The following ZFPM2 variants were observed in gnomAD, a reference collection of about 807,000 sequenced individuals.
ZFPM2 encodes zinc finger protein ZFPM2.
Under a neutral mutation model 98.6 loss-of-function variants are expected in ZFPM2, and 20 were observed. The ratio of observed to expected loss-of-function variants is 0.20; its 90% CI spans 0.14 to 0.29. ZFPM2 has a LOEUF of 0.29. ZFPM2 is among the 10% of genes least tolerant of loss of function. The pLI is 1.00. For synonymous variants in ZFPM2, 518 were observed against 502.7 expected (o/e 1.03, Z -0.41); for missense variants, 1,310 against 1,388.6 (o/e 0.94, Z 0.90).
chr8:105,464,895 A>G (rs1812769852), intron 3 of ZFPM2, among the ~76,000 whole-genome samples: 1 of 151,302 alleles, frequency 6.6e-6, no homozygotes, highest in Non-Finnish European at 1.5e-5. Flanking sequence ...CTTCTTCTGG[A>G]GCTCTCGATC....
At chr8:105,595,257 GT>G (rs1463228391) in intron 4 of ZFPM2, among the ~76,000 whole-genome samples, 1 of 151,994 alleles carries the variant, frequency 6.6e-6, no homozygotes, top group Non-Finnish European at 1.5e-5. Context: ...TGCCTTATTA[GT>G]CTATCTTTGG....
intron 1 of ZFPM2, among the ~76,000 whole-genome samples, chr8:105,381,217 C>T (rs1810882401): frequency 6.6e-6 from 1 of 151,132 alleles, no homozygotes; most frequent in Admixed American, 6.7e-5. Flanking sequence ...GAGAATGATG[C>T]TTTCTAGCTT....
chr8:105,348,102 T>C (rs560186098), intron 1 of ZFPM2, among the ~76,000 whole-genome samples: 2 of 152,294 alleles, frequency 1.3e-5, no homozygotes, highest in Admixed American at 1.3e-4. Flanking sequence ...AGTTATTTCT[T>C]TGCTTGACCA....
At chr8:105,397,667 G>A (rs538771857) in intron 1 of ZFPM2, among the ~76,000 whole-genome samples, 4 of 152,112 alleles carry the variant, frequency 2.6e-5, no homozygotes, top group African/African-American at 4.8e-5. Flanking sequence ...TTTCATAAGA[G>A]TAAAGATGTC....
chr8:105,478,646 G>A (rs1253065495), intron 3 of ZFPM2, among the ~76,000 whole-genome samples: 2 of 152,194 alleles, frequency 1.3e-5, no homozygotes, highest in Non-Finnish European at 2.9e-5. Flanking sequence ...AAGAGTGTTA[G>A]TACTGGGAAG....
At chr8:105,627,651 A>T (rs2130828279) in intron 4 of ZFPM2, among the ~76,000 whole-genome samples, 1 of 152,308 alleles carries the variant, frequency 6.6e-6, no homozygotes, top group East Asian at 1.9e-4. Flanking sequence ...ACAGCTTTGT[A>T]CCTGAAAAAG....
chr8:105,773,009 A>G (rs1388063570), intron 5 of ZFPM2, among the ~76,000 whole-genome samples: 3 of 152,210 alleles, frequency 2.0e-5, no homozygotes, highest in Non-Finnish European at 2.9e-5. Context: ...TAGTCAGTTA[A>G]CATAAATCTT....
chr8:105,589,343 G>A (rs893680722), intron 4 of ZFPM2, among the ~76,000 whole-genome samples: 4 of 152,116 alleles, frequency 2.6e-5, no homozygotes, highest in African/African-American at 4.8e-5. Context: ...TTTCTCAAGC[G>A]TCAACAAGGA....
At chr8:105,705,650 A>G (rs942294120) in intron 5 of ZFPM2, among the ~76,000 whole-genome samples, 5 of 152,192 alleles carry the variant, frequency 3.3e-5, no homozygotes, top group Non-Finnish European at 7.3e-5. Context: ...AGCTACCTCA[A>G]AATGCATCAA....
At position 105,801,924 on chromosome 8, in the gene ZFPM2, T is replaced by C; in HGVS notation, c.1842T>C (p.Ala614=). ...TTCTCAACCCAGCTGCTCATTCTGC[T>C]GATCCTGAGAATCCACTTCTTCAAA... ...INLLNPAAHS[A]DPENPLLQTS... The change falls in exon 8 of 8, where the codon GCT becomes GCC. Residue 614 remains alanine, a synonymous_variant. Transcript: ENST00000407775. 2.5e-6 allele frequency: 4 copies of C among 1,613,978 alleles called. No individual in the cohort carries two copies.
At chr8:105,566,292 C>T (rs1815242379) in intron 4 of ZFPM2, among the ~76,000 whole-genome samples, 1 of 151,974 alleles carries the variant, frequency 6.6e-6, no homozygotes, top group African/African-American at 2.4e-5. Context: ...AGTGAGGGAG[C>T]CCAGCTTTCT....
chr8:105,646,263 CTG>C (rs1281648492), intron 5 of ZFPM2, among the ~76,000 whole-genome samples: 2 of 152,130 alleles, frequency 1.3e-5, no homozygotes, highest in African/African-American at 2.4e-5. Context: ...CAGAACCACT[CTG>C]TGGTTAGCAG....
intron 3 of ZFPM2, among the ~76,000 whole-genome samples, chr8:105,446,382 T>C (rs1316517320): frequency 6.6e-6 from 1 of 152,148 alleles, no homozygotes. Flanking sequence ...TTTATCTTTG[T>C]TTATGTCTGG....
intron 4 of ZFPM2, among the ~76,000 whole-genome samples, chr8:105,581,172 A>G (rs1246537608): frequency 3.9e-5 from 6 of 152,254 alleles, no homozygotes; most frequent in South Asian, 4.1e-4. Context: ...CATTTTATCT[A>G]TGTAATTGTT....
rs547519753 is a variant in ZFPM2 at position 105,593,233 on chromosome 8, G to A, written c.420+31752G>A. 1.0e-3 allele frequency among the ~76,000 whole-genome samples: 152 copies of A among 152,192 alleles called. 1 individual carries two copies. The highest frequency in any genetic ancestry group is 3.5e-3 in the South Asian group (17 of 4,816). ...AAATTATGAGGTTCAGGGAGCCCAG[G>A]AATGTATTGGAATGGTTAATTCTAG... On this transcript the variant is annotated intron_variant, in intron 4 of 7. Transcript: ENST00000407775.
At position 105,537,973 on chromosome 8, in the gene ZFPM2, G is replaced by A. The variant is rs766286566; in HGVS notation, c.302-23390G>A. On this transcript the variant is annotated intron_variant, in intron 3 of 7. Transcript: ENST00000407775. ...TCTCGATCTCCTGACCTCATGATCC[G>A]CCTACCTCAGCCTCCCAAAGTGTAT... Among the ~76,000 whole-genome samples the A allele has an allele frequency of 1.1e-4, 17 of 151,986 alleles. No homozygotes were observed. The East Asian group carries it at 1.6e-3, about 14-fold the overall frequency.
intron 5 of ZFPM2, among the ~76,000 whole-genome samples, chr8:105,654,014 A>T (rs1180296626): frequency 6.6e-6 from 1 of 151,860 alleles, no homozygotes; most frequent in Non-Finnish European, 1.5e-5. Flanking sequence ...CTTATTTTAT[A>T]TTAGGCATTA....
intron 5 of ZFPM2, among the ~76,000 whole-genome samples, chr8:105,637,278 G>T (rs1015429013): frequency 1.3e-5 from 2 of 151,996 alleles, no homozygotes; most frequent in Admixed American, 1.3e-4. Flanking sequence ...TAAATGATGA[G>T]TAACAATCAA....
chr8:105,744,283 G>T (rs1351192206), intron 5 of ZFPM2, among the ~76,000 whole-genome samples: 1 of 152,032 alleles, frequency 6.6e-6, no homozygotes, highest in Non-Finnish European at 1.5e-5. Context: ...ATATGTGTGA[G>T]CACTTTCACT....
Sources: allele counts gnomAD v4.1 joint callset (sites outside exome capture counted in the v4.1 genomes callset), GRCh38; gene constraint gnomAD v4.1.1; transcripts MANE v1.5; gene names NCBI Gene and HGNC (gene_info 2026-07-23, HGNC 2026-07-21).